The following ST3GAL3 variants were observed in gnomAD, a reference collection of about 807,000 sequenced individuals.
The protein encoded by ST3GAL3 is CMP-N-acetylneuraminate-beta-1,4-galactoside alpha-2,3-sialyltransferase.
A neutral mutation model predicts 50.1 loss-of-function variants in ST3GAL3; 21 were observed. The ratio of observed to expected loss-of-function variants is 0.42; its 90% CI spans 0.30 to 0.60. ST3GAL3 has a LOEUF of 0.60. Ranked by LOEUF, ST3GAL3 falls within the 20% of genes least tolerant of loss-of-function variation. The probability of loss-of-function intolerance (pLI) is 0.19; values close to 1 mark genes in which losing one functional copy is unlikely to be tolerated. For synonymous variants in ST3GAL3, 183 were observed against 190.0 expected (o/e 0.96, Z 0.30); for missense variants, 353 against 489.4 (o/e 0.72, Z 2.63).
At chr1:43,744,606 T>C (rs1682643110) in intron 2 of ST3GAL3, among the ~76,000 whole-genome samples, 1 of 149,694 alleles carries the variant, frequency 6.7e-6, no homozygotes, top group African/African-American at 2.5e-5. Flanking sequence ...TGAGCCAAGA[T>C]TGCACCACTG....
rs1675830475 is a variant in ST3GAL3 at position 43,731,524 on chromosome 1, A to G, written c.-30-4709A>G. ...CTCAGCCTCCCGAGTAGCTGGGGCT[A>G]CAGGCGCCCGCCACCATGCCCGGCT... On this transcript the variant is annotated intron_variant, in intron 1 of 11. Transcript: ENST00000347631. Among the ~76,000 whole-genome samples the G allele has an allele frequency of 6.0e-5, 9 of 149,544 alleles. No homozygotes were observed. In the South Asian group the frequency reaches 1.9e-3, roughly 31 times the overall value.
intron 2 of ST3GAL3, among the ~76,000 whole-genome samples, chr1:43,788,575 G>A (rs143895266): frequency 2.6e-5 from 4 of 152,278 alleles, no homozygotes; most frequent in African/African-American, 9.6e-5. Flanking sequence ...TGGAACTGAT[G>A]GGAGTCAATA....
At chr1:43,917,015 T>C (rs567153867) in intron 9 of ST3GAL3, 1 of 152,218 alleles carries the variant, frequency 6.6e-6, no homozygotes, top group African/African-American at 2.4e-5. Context: ...AATAAAGAGC[T>C]TTTTACAAAG....
intron 1 of ST3GAL3, among the ~76,000 whole-genome samples, chr1:43,717,556 G>A (rs1571232351): frequency 6.6e-6 from 1 of 150,886 alleles, no homozygotes; most frequent in East Asian, 2.0e-4. Flanking sequence ...TGGAGTGCAG[G>A]GGTGCAGTTA....
chr1:43,733,251 T>TCGGC (rs886645844), intron 1 of ST3GAL3, among the ~76,000 whole-genome samples: 1 of 152,210 alleles, frequency 6.6e-6, no homozygotes, highest in African/African-American at 2.4e-5. Flanking sequence ...TCCTCCTACT[T>TCGGC]CGGCCTCTCA....
intron 2 of ST3GAL3, among the ~76,000 whole-genome samples, chr1:43,780,877 T>C (rs1269217333): frequency 6.6e-6 from 1 of 152,184 alleles, no homozygotes; most frequent in Non-Finnish European, 1.5e-5. Context: ...GTTTCATTTG[T>C]TTTGGTCTCC....
chr1:43,769,441 C>T (rs1356627842), intron 2 of ST3GAL3, among the ~76,000 whole-genome samples: 4 of 152,040 alleles, frequency 2.6e-5, no homozygotes, highest in Non-Finnish European at 4.4e-5. Flanking sequence ...AAATCTTAAC[C>T]GAGGAAGTAG....
chr1:43,784,183 C>T (rs1444143116), intron 2 of ST3GAL3, among the ~76,000 whole-genome samples: 2 of 152,148 alleles, frequency 1.3e-5, no homozygotes, highest in African/African-American at 4.8e-5. Flanking sequence ...TCCATATCTT[C>T]CCAGTTTCTC....
chr1:43,865,777 T>G (rs1173802199), intron 5 of ST3GAL3, among the ~76,000 whole-genome samples: 1 of 152,224 alleles, frequency 6.6e-6, no homozygotes, highest in Non-Finnish European at 1.5e-5. Flanking sequence ...TTCATTCTGA[T>G]CATCTACTTC....
intron 5 of ST3GAL3, among the ~76,000 whole-genome samples, chr1:43,859,168 C>T (rs942676886): frequency 1.3e-5 from 2 of 152,186 alleles, no homozygotes; most frequent in Non-Finnish European, 2.9e-5. Flanking sequence ...GGGAAACACA[C>T]ACCTGACAGT....
At chr1:43,751,890 G>A (rs1008543816) in intron 2 of ST3GAL3, among the ~76,000 whole-genome samples, 8 of 151,954 alleles carry the variant, frequency 5.3e-5, no homozygotes, top group Non-Finnish European at 1.0e-4. Flanking sequence ...CGCGATCTCG[G>A]CTCACTGCAA....
At chr1:43,907,087 G>A (rs889804237) in intron 9 of ST3GAL3, among the ~76,000 whole-genome samples, 15 of 152,166 alleles carry the variant, frequency 9.9e-5, no homozygotes, top group East Asian at 7.7e-4. Context: ...GGCCCTGGAC[G>A]ATGTGGTTTA....
chr1:43,909,291 A>T (rs2080370874), intron 9 of ST3GAL3, among the ~76,000 whole-genome samples: 1 of 152,150 alleles, frequency 6.6e-6, no homozygotes, highest in African/African-American at 2.4e-5. Context: ...TCTTTCTTTT[A>T]GGTTCAGACC....
intron 5 of ST3GAL3, among the ~76,000 whole-genome samples, chr1:43,888,033 G>C (rs1486822666): frequency 6.6e-6 from 1 of 152,008 alleles, no homozygotes; most frequent in Non-Finnish European, 1.5e-5. Context: ...TGCAATCAAT[G>C]ATACAAGGAG....
At chr1:43,777,125 A>G (rs1384031543) in intron 2 of ST3GAL3, among the ~76,000 whole-genome samples, 2 of 152,174 alleles carry the variant, frequency 1.3e-5, no homozygotes, top group African/African-American at 2.4e-5. Flanking sequence ...TTGGGTTTTT[A>G]AAGCAAATCC....
chr1:43,813,906 C>T lies in ST3GAL3; in HGVS notation c.167-985C>T, dbSNP rs1224543544. The stretch of plus-strand genomic sequence containing the variant: ...ACACACACACACACGCACACACGCA[C>T]ACACACACACACACACACACACACA... On this transcript the variant is annotated intron_variant, in intron 3 of 11. Coordinates refer to ENST00000347631, the MANE Select transcript of ST3GAL3 (RefSeq NM_006279.5). Among the ~76,000 whole-genome samples, 10 of 29,830 alleles carry T rather than the reference C, an allele frequency of 3.4e-4. No individual in the cohort carries two copies. The East Asian group carries it at 4.1e-3, about 12-fold the overall frequency. 19.6% of individuals were successfully genotyped at this position (29,830 alleles called of 152,430 possible).
intron 6 of ST3GAL3, among the ~76,000 whole-genome samples, 197 bp from the exon 7 acceptor site, chr1:43,898,038 T>A (rs61770289): frequency 0.013 from 2,012 of 152,228 alleles, 48 homozygotes; most frequent in African/African-American, 0.046. Context: ...GATATGCCTG[T>A]CTGTTTCCTG....
intron 9 of ST3GAL3, among the ~76,000 whole-genome samples, chr1:43,908,319 C>A (rs1399471544): frequency 6.6e-6 from 1 of 152,162 alleles, no homozygotes. Context: ...CCTAAAGTGA[C>A]CAGGTGCTTC....
chr1:43,732,978 T>C (rs1213664882), intron 1 of ST3GAL3, among the ~76,000 whole-genome samples: 1 of 118,442 alleles, frequency 8.4e-6, no homozygotes, highest in Admixed American at 8.5e-5. Flanking sequence ...TCATAAAAAA[T>C]ACTTTTTTTT....
Sources: gnomAD v4.1 joint callset for allele counts (sites outside exome capture counted in the v4.1 genomes callset) on GRCh38, gnomAD v4.1.1 for gene constraint, MANE v1.5 for transcripts, NCBI Gene and HGNC (gene_info 2026-07-23, HGNC 2026-07-21) for gene names.